The following ZNF420 variants were observed in gnomAD, a reference collection of about 807,000 sequenced individuals.
The protein encoded by ZNF420 is ATM and p53-associated KZNF protein.
ZNF420 carries 31 observed loss-of-function variants against 44.7 expected under a neutral mutation model. The ratio of observed to expected loss-of-function variants is 0.69; its 90% CI spans 0.52 to 0.94. ZNF420 has a LOEUF of 0.94. ZNF420 is among the 40% of genes least tolerant of loss of function. The pLI, the probability that ZNF420 is intolerant of heterozygous loss-of-function variation, is 0.00. For synonymous variants in ZNF420, 245 were observed against 267.4 expected (o/e 0.92, Z 0.82); for missense variants, 681 against 827.9 (o/e 0.82, Z 2.18).
rs1568484357 is a variant in ZNF420, at chr19:37,128,650, T to A, written c.1659T>A (p.His553Gln). ...GLLLIQHQRI[H>Q]TGEKPYQCKE... is the part of the protein sequence containing the mutation. The stretch of plus-strand genomic sequence containing the variant: ...TACTTATACAACATCAGAGAATTCA[T>A]ACTGGTGAGAAACCATATCAATGTA... Residue 553 changes from histidine to glutamine, a missense_variant, in exon 5 of 5, where the codon CAT becomes CAA. Physicochemically the swap from His to Gln is conservative, Grantham distance 24. Coordinates refer to ENST00000337995, the MANE Select transcript of ZNF420 (RefSeq NM_144689.5). 1.2e-6 allele frequency: 2 copies of A among 1,613,968 alleles called. No individual in the cohort carries two copies. The highest frequency in any genetic ancestry group is 1.7e-6 in the Non-Finnish European group (2 of 1,179,948).
chr19:37,035,455 TC>T (rs1967337268), intron 1 of ZNF420, among the ~76,000 whole-genome samples: 1 of 152,290 alleles, frequency 6.6e-6, no homozygotes. Context: ...CATCTTGCCC[TC>T]CCAAAATGCT....
chr19:37,116,815 C>G (rs554973503), intron 4 of ZNF420, among the ~76,000 whole-genome samples: 3 of 152,224 alleles, frequency 2.0e-5, no homozygotes, highest in Non-Finnish European at 4.4e-5. Context: ...TATCCCACAC[C>G]TAGCTCAGAG....
intron 4 of ZNF420, among the ~76,000 whole-genome samples, chr19:37,112,085 AT>A (rs1364338490): frequency 6.6e-6 from 1 of 151,952 alleles, no homozygotes; most frequent in Non-Finnish European, 1.5e-5. Context: ...GCAGCCACTG[AT>A]TTACCCATAC....
chr19:37,073,056 T>G (rs749103755), intron 1 of ZNF420, among the ~76,000 whole-genome samples: 35 of 152,136 alleles, frequency 2.3e-4, no homozygotes, highest in Non-Finnish European at 3.2e-4. Context: ...AAGTTTTCTT[T>G]TCCTAGGGCT....
chr19:37,062,069 G>A (rs1416166759), intron 1 of ZNF420, among the ~76,000 whole-genome samples: 1 of 152,186 alleles, frequency 6.6e-6, no homozygotes, highest in Admixed American at 6.5e-5. Flanking sequence ...AATGAGAATT[G>A]AAATCTACAT....
At chr19:37,019,141 A>AT (rs1275334269) in intron 1 of ZNF420, among the ~76,000 whole-genome samples, 3 of 152,230 alleles carry the variant, frequency 2.0e-5, no homozygotes, top group African/African-American at 7.2e-5. Flanking sequence ...AAGATGCTAA[A>AT]TATATAATCT....
At chr19:37,103,075 C>CTATAG (rs1305688773) in intron 4 of ZNF420, among the ~76,000 whole-genome samples, 1 of 151,964 alleles carries the variant, frequency 6.6e-6, no homozygotes, top group African/African-American at 2.4e-5. Context: ...ATTCTCTTAA[C>CTATAG]TATAGTATTT....
intron 3 of ZNF420, 44 bp from the exon 4 acceptor site, chr19:37,090,951 C>A: frequency 6.3e-7 from 1 of 1,579,374 alleles, no homozygotes; most frequent in Admixed American, 1.8e-5. Flanking sequence ...AAAAGAAAAG[C>A]ATTTTTTAAA....
upstream of ZNF420, among the ~76,000 whole-genome samples, chr19:37,077,605 C>T (rs1003112585): frequency 6.6e-6 from 1 of 152,122 alleles, no homozygotes; most frequent in African/African-American, 2.4e-5. Context: ...TATTACATTA[C>T]TATTTAAGGA....
intron 1 of ZNF420, among the ~76,000 whole-genome samples, chr19:37,051,880 C>G (rs981837773): frequency 6.6e-6 from 1 of 152,194 alleles, no homozygotes; most frequent in African/African-American, 2.4e-5. Flanking sequence ...TCCCTCCACA[C>G]ACTGCTTTGA....
chr19:37,055,272 G>GC (rs1449691319), intron 1 of ZNF420, among the ~76,000 whole-genome samples: 1 of 152,180 alleles, frequency 6.6e-6, no homozygotes, highest in Non-Finnish European at 1.5e-5. Context: ...TGTAGTCCCA[G>GC]CTATGTGGGA....
At chr19:37,044,567 T>G (rs530508048) in intron 1 of ZNF420, among the ~76,000 whole-genome samples, 2 of 152,258 alleles carry the variant, frequency 1.3e-5, no homozygotes, top group African/African-American at 4.8e-5. Context: ...CTGTTTGCTA[T>G]TTAATAATGT....
At chr19:37,123,496 T>C (rs1000993758) in intron 4 of ZNF420, among the ~76,000 whole-genome samples, 33 of 151,992 alleles carry the variant, frequency 2.2e-4, no homozygotes, top group Non-Finnish European at 1.0e-4. Flanking sequence ...AGCCAGCAAA[T>C]GTCCCAAGGG....
chr19:37,034,037 G>A (rs1365717233), intron 1 of ZNF420, among the ~76,000 whole-genome samples: 1 of 151,530 alleles, frequency 6.6e-6, no homozygotes, highest in Non-Finnish European at 1.5e-5. Flanking sequence ...TTGCAGGCAT[G>A]AGCCATGCGC....
At chr19:37,058,695 C>T (rs1967804344) in intron 1 of ZNF420, among the ~76,000 whole-genome samples, 5 of 151,956 alleles carry the variant, frequency 3.3e-5, no homozygotes, top group African/African-American at 1.2e-4. Context: ...ATCTGTGTCC[C>T]CCCGCATCCA....
chr19:37,019,516 T>G (rs1018005508), intron 1 of ZNF420, among the ~76,000 whole-genome samples: 1 of 152,172 alleles, frequency 6.6e-6, no homozygotes, highest in African/African-American at 2.4e-5. Flanking sequence ...GGCTCAAGCC[T>G]GTAATCCCAA....
chr19:37,009,353 G>A lies in ZNF420; in HGVS notation c.-125+1271G>A, dbSNP rs1226895412. On this transcript the variant is annotated intron_variant, in intron 1 of 4. Coordinates refer to the ZNF420 transcript ENST00000587029. ...AAATGTGGCTTGGACTTACGCACAG[G>A]GCCTCTTCTGGTTCCCAGCTGTGCT... 3.9e-5 allele frequency among the ~76,000 whole-genome samples: 6 copies of A among 152,136 alleles called. No individual in the cohort carries two copies. The East Asian group carries it at 9.7e-4, about 24-fold the overall frequency.
intron 1 of ZNF420, among the ~76,000 whole-genome samples, chr19:37,047,956 A>T (rs555216414): frequency 2.6e-5 from 4 of 152,348 alleles, no homozygotes; most frequent in Non-Finnish European, 5.9e-5. Context: ...CTAGAGCATC[A>T]CTTGCTAGTT....
At chr19:37,019,711 G>A (rs1271999495) in intron 1 of ZNF420, among the ~76,000 whole-genome samples, 3 of 151,294 alleles carry the variant, frequency 2.0e-5, no homozygotes, top group Non-Finnish European at 2.9e-5. Flanking sequence ...AGTTTGCAGT[G>A]AGCCAAGATT....
Sources: allele counts gnomAD v4.1 joint callset (sites outside exome capture counted in the v4.1 genomes callset), GRCh38; gene constraint gnomAD v4.1.1; transcripts MANE v1.5; gene names NCBI Gene and HGNC (gene_info 2026-07-23, HGNC 2026-07-21).